AOPEP: variants seen among roughly 807,000 people sequenced by gnomAD.
AOPEP encodes the protein aminopeptidase O (putative).
In AOPEP, 77 loss-of-function variants were observed where a neutral mutation model predicts 98.1. The ratio of observed to expected loss-of-function variants is 0.78; its 90% CI spans 0.65 to 0.95. The LOEUF (loss-of-function observed/expected upper bound fraction) is 0.95, where lower values mean the gene tolerates loss of function less well. Among genes scored for constraint, AOPEP ranks in the 40% least tolerant of loss-of-function variants. The pLI is 0.00. For missense variants in AOPEP, 1,024 were observed against 1,024.7 expected (o/e 1.00, Z 0.01); for synonymous variants, 346 against 365.3 (o/e 0.95, Z 0.60).
intron 9 of AOPEP, among the ~76,000 whole-genome samples, chr9:94,965,225 C>T (rs559300626): frequency 9.2e-5 from 14 of 152,320 alleles, no homozygotes; most frequent in African/African-American, 3.4e-4. Context: ...TGTGAGGCAT[C>T]AGTCAGTTTG....
the AOPEP span, among the ~76,000 whole-genome samples, chr9:95,129,869 G>A: frequency 6.6e-6 from 1 of 152,116 alleles, no homozygotes; most frequent in Non-Finnish European, 1.5e-5. Flanking sequence ...GTATAGACCC[G>A]ATTGTTCTGC....
intron 11 of AOPEP, among the ~76,000 whole-genome samples, chr9:95,001,545 C>T (rs2061558332): frequency 1.3e-5 from 2 of 152,292 alleles, no homozygotes; most frequent in South Asian, 4.1e-4. Flanking sequence ...ACCCTACCTT[C>T]ATTGGCATCA....
At chr9:94,932,201 C>G (rs1201818440) in intron 7 of AOPEP, 3 of 988,040 alleles carry the variant, frequency 3.0e-6, no homozygotes, top group Non-Finnish European at 3.6e-6. Flanking sequence ...ACATACAGGT[C>G]AGGGTGAAAA....
chr9:95,079,616 G>A (rs2069497318), intron 14 of AOPEP, among the ~76,000 whole-genome samples: 1 of 152,210 alleles, frequency 6.6e-6, no homozygotes, highest in South Asian at 2.1e-4. Context: ...GAGCAATGCC[G>A]CCTGCTCCGG....
chr9:94,769,573 A>G (rs979239119), intron 2 of AOPEP, among the ~76,000 whole-genome samples: 2 of 152,208 alleles, frequency 1.3e-5, no homozygotes, highest in African/African-American at 4.8e-5. Context: ...AGACATGGGT[A>G]TATTAATGGG....
At chr9:94,934,924 G>A (rs995616101) in intron 7 of AOPEP, 2 of 152,266 alleles carry the variant, frequency 1.3e-5, no homozygotes, top group African/African-American at 2.4e-5. Flanking sequence ...CATCTTAGGT[G>A]GGAGTCTCCA....
At chr9:95,128,659 G>T in the AOPEP span, among the ~76,000 whole-genome samples, 1 of 152,168 alleles carries the variant, frequency 6.6e-6, no homozygotes, top group Non-Finnish European at 1.5e-5. Context: ...CCTCTTCTGT[G>T]CGCTGTTTTC....
At chr9:94,841,303 C>T (rs1023079216) in intron 5 of AOPEP, among the ~76,000 whole-genome samples, 1 of 152,050 alleles carries the variant, frequency 6.6e-6, no homozygotes, top group African/African-American at 2.4e-5. Context: ...TCCTGAGTAG[C>T]TGGGACTACA....
intron 5 of AOPEP, among the ~76,000 whole-genome samples, chr9:94,922,591 GAGTTT>G (rs1193324377): frequency 1.3e-5 from 2 of 152,134 alleles, no homozygotes; most frequent in Non-Finnish European, 2.9e-5. Context: ...TCAGTTAGGG[GAGTTT>G]AGTTCCTGTG....
intron 3 of AOPEP, among the ~76,000 whole-genome samples, chr9:94,782,060 G>A (rs1239954291): frequency 4.0e-5 from 6 of 151,552 alleles, no homozygotes; most frequent in African/African-American, 1.5e-4. Flanking sequence ...GGGCGTGGTG[G>A]CAGGCGCGTG....
chr9:95,092,457 G>T, the AOPEP span, among the ~76,000 whole-genome samples: 4 of 152,186 alleles, frequency 2.6e-5, no homozygotes, highest in African/African-American at 9.7e-5. Flanking sequence ...CCTGGGAGAG[G>T]AGTGCCCAGC....
chr9:94,793,524 G>A (rs1303254382), intron 4 of AOPEP, among the ~76,000 whole-genome samples: 5 of 151,108 alleles, frequency 3.3e-5, no homozygotes, highest in Non-Finnish European at 7.4e-5. Flanking sequence ...TAAAAATACA[G>A]AAATTAGCTG....
intron 16 of AOPEP, among the ~76,000 whole-genome samples, chr9:95,083,259 A>G (rs1021493400): frequency 3.9e-5 from 6 of 152,206 alleles, no homozygotes; most frequent in Non-Finnish European, 7.4e-5. Flanking sequence ...CGCAGCACAC[A>G]CAGCACATGC....
At chr9:95,126,711 A>AC in the AOPEP span, 2 of 891,230 alleles carry the variant, frequency 2.2e-6, no homozygotes, top group African/African-American at 3.3e-5. Flanking sequence ...TTTGGTTAGA[A>AC]GAACGAACCA....
In AOPEP at chr9:94,972,399, C is replaced by T. The variant is rs867394454; in HGVS notation, c.1916+4598C>T. 6.6e-6 allele frequency among the ~76,000 whole-genome samples: 1 copy of T among 152,168 alleles called. No homozygotes were observed. The highest frequency in any genetic ancestry group is 2.1e-4 in the South Asian group (1 of 4,830). ...AACCCAGACAATCCTGAGCAGCAGT[C>T]TCTCCTGGTGAAAGAGCCCCGTGGA... On this transcript the variant is annotated intron_variant, in intron 10 of 16. Coordinates refer to ENST00000375315, the MANE Select transcript of AOPEP (RefSeq NM_001193329.3). This position sits in a 1 kb window ranked among gnomAD's most constrained non-coding sequence, Gnocchi z 4.2.
the AOPEP span, among the ~76,000 whole-genome samples, chr9:95,093,353 G>A: frequency 1.3e-5 from 2 of 152,252 alleles, no homozygotes; most frequent in Middle Eastern, 3.4e-3. Context: ...TCTGTCCAAT[G>A]GTAGAACATA....
At chr9:94,820,582 C>T (rs1478448640) in intron 5 of AOPEP, among the ~76,000 whole-genome samples, 1 of 152,042 alleles carries the variant, frequency 6.6e-6, no homozygotes, top group Non-Finnish European at 1.5e-5. Flanking sequence ...TGACTTTTTC[C>T]AAAATTTTAC....
At chr9:95,126,199 TA>T in the AOPEP span, among the ~76,000 whole-genome samples, 1 of 152,112 alleles carries the variant, frequency 6.6e-6, no homozygotes, top group African/African-American at 2.4e-5. Flanking sequence ...GTGAAGGGAG[TA>T]TATTGCTACC....
At chr9:94,995,866 G>A (rs2061189630) in intron 11 of AOPEP, among the ~76,000 whole-genome samples, 4 of 152,126 alleles carry the variant, frequency 2.6e-5, no homozygotes, top group Non-Finnish European at 4.4e-5. Flanking sequence ...TATCATACTG[G>A]TGAGCACAAA....
Sources: gnomAD v4.1 joint callset for allele counts (sites outside exome capture counted in the v4.1 genomes callset) on GRCh38, gnomAD v4.1.1 for gene constraint, Gnocchi (gnomAD v3.1) non-coding constraint, MANE v1.5 for transcripts, NCBI Gene and HGNC (gene_info 2026-07-23, HGNC 2026-07-21) for gene names.